Variants in DUSP10 observed in about 807,000 individuals in gnomAD.
The protein encoded by DUSP10 is dual specificity protein phosphatase 10.
Under a neutral mutation model 30.8 loss-of-function variants are expected in DUSP10, and 14 were observed. The ratio of observed to expected loss-of-function variants is 0.46; its 90% CI spans 0.30 to 0.71. DUSP10 has a LOEUF of 0.71. Among genes scored for constraint, DUSP10 ranks in the 30% least tolerant of loss-of-function variants. DUSP10 has a pLI of 0.08. For synonymous variants in DUSP10, 254 were observed against 250.4 expected, an observed-to-expected ratio of 1.01 and a Z score of -0.14; for missense variants, 550 against 619.4, an observed-to-expected ratio of 0.89 and a Z score of 1.19.
In DUSP10 at chr1:221,702,327, AAAAG is replaced by A. The variant is rs1660629098; in HGVS notation, c.*81_*84del. The A allele has an allele frequency of 2.0e-6, 3 of 1,498,976 alleles. No homozygotes were observed. The highest frequency in any genetic ancestry group is 1.4e-5 in the African/African-American group (1 of 71,172). 92.9% of individuals were successfully genotyped at this position (1,498,976 alleles called of 1,614,324 possible). The stretch of plus-strand genomic sequence containing the variant: ...AAACTTACTCCCAACTACAAAAAAA[AAAAG>A]AAAGAAAAAAAACCAGAATCCATCC... On this transcript the variant is annotated 3_prime_UTR_variant, in exon 4 of 4. Coordinates refer to ENST00000366899, the MANE Select transcript of DUSP10 (RefSeq NM_007207.6). The surrounding 1 kb of genome is among the most constrained non-coding windows in gnomAD (Gnocchi z 4.5).
chr1:221,729,194 T>C (rs1034824221), intron 2 of DUSP10, among the ~76,000 whole-genome samples: 1 of 152,244 alleles, frequency 6.6e-6, no homozygotes, highest in Non-Finnish European at 1.5e-5. Flanking sequence ...AAAACTGTCA[T>C]GACCAAAATT....
chr1:221,736,959 G>C lies in DUSP10; in HGVS notation c.811+1975C>G, dbSNP rs1661793526. 3 of 985,350 alleles carry C rather than the reference G, an allele frequency of 3.0e-6. No homozygotes were observed. The South Asian group carries it at 1.4e-4, about 46-fold the overall frequency. 61.0% of individuals were successfully genotyped at this position (985,350 alleles called of 1,614,324 possible). A position where few individuals can be genotyped will look rare whatever the true frequency, so the allele number is the denominator to read the frequency against. On this transcript the variant is annotated intron_variant, in intron 2 of 3. Transcript: ENST00000366899. ...AGTGGTGAGGTCAGCAGTGTGTCCT[G>C]CCCCGCCCCATTGAGGCAATCTTAC...
intron 2 of DUSP10, among the ~76,000 whole-genome samples, chr1:221,708,284 G>A (rs1054274928): frequency 9.9e-5 from 15 of 152,214 alleles, no homozygotes; most frequent in African/African-American, 3.4e-4. Flanking sequence ...TAGCCTCTGA[G>A]CCTGGCATAT....
intron 2 of DUSP10, among the ~76,000 whole-genome samples, chr1:221,723,058 A>G (rs1332722918): frequency 6.6e-6 from 1 of 152,210 alleles, no homozygotes; most frequent in East Asian, 1.9e-4. Flanking sequence ...GCTTCCCATG[A>G]ACATCTCAAT....
intron 2 of DUSP10, among the ~76,000 whole-genome samples, chr1:221,738,247 A>G (rs150718437): frequency 2.2e-4 from 33 of 152,360 alleles, no homozygotes; most frequent in African/African-American, 7.2e-4. Flanking sequence ...GGGAGGAGCC[A>G]TGATGCCAAC....
At chr1:221,721,830 A>G (rs1251919431) in intron 2 of DUSP10, among the ~76,000 whole-genome samples, 1 of 152,192 alleles carries the variant, frequency 6.6e-6, no homozygotes, top group Non-Finnish European at 1.5e-5. Flanking sequence ...AGTTTAATAT[A>G]CATTTATTAA....
chr1:221,711,235 C>T (rs1299399596), intron 2 of DUSP10, among the ~76,000 whole-genome samples: 4 of 152,192 alleles, frequency 2.6e-5, no homozygotes, highest in African/African-American at 9.7e-5. Context: ...ACAGAAGAGT[C>T]CTCTGTAATG....
At chr1:221,723,043 T>C in intron 2 of DUSP10, among the ~76,000 whole-genome samples, 1 of 152,218 alleles carries the variant, frequency 6.6e-6, no homozygotes, top group Non-Finnish European at 1.5e-5. Context: ...TATCACCCTG[T>C]GTCAGCTTCC....
intron 2 of DUSP10, among the ~76,000 whole-genome samples, chr1:221,716,548 G>C (rs947304126): frequency 1.3e-5 from 2 of 151,652 alleles, no homozygotes; most frequent in Non-Finnish European, 2.9e-5. Context: ...CCAGAATTTT[G>C]TCTACTTCTA....
rs978572999 is a variant in DUSP10 at position 221,736,693 on chromosome 1, C to T, written c.811+2241G>A. The T allele has an allele frequency of 1.9e-5, 11 of 590,714 alleles. No individual in the cohort carries two copies. In the African/African-American group the frequency reaches 2.0e-4, roughly 11 times the overall value. 36.6% of individuals were successfully genotyped at this position (590,714 alleles called of 1,614,324 possible). A position where few individuals can be genotyped will look rare whatever the true frequency, so the allele number is the denominator to read the frequency against. Reference sequence around the variant, plus strand: ...CCTTTCCCTTCTTTTCCATCTTGGTCCCAATTTTAGGCCATTCTCCCAAAA... The same window carrying T: ...CCTTTCCCTTCTTTTCCATCTTGGTTCCAATTTTAGGCCATTCTCCCAAAA... On this transcript the variant is annotated intron_variant, in intron 2 of 3. Coordinates refer to ENST00000366899, the MANE Select transcript of DUSP10 (RefSeq NM_007207.6).
intron 1 of DUSP10, among the ~76,000 whole-genome samples, 186 bp from the exon 2 acceptor site, chr1:221,739,973 T>G (rs116684945): frequency 0.034 from 5,149 of 152,294 alleles, 286 homozygotes; most frequent in African/African-American, 0.12. Flanking sequence ...ACCTGAGGGC[T>G]CCAATCAATT....
intron 2 of DUSP10, among the ~76,000 whole-genome samples, chr1:221,731,908 G>A (rs1262303277): frequency 1.3e-5 from 2 of 151,656 alleles, no homozygotes; most frequent in African/African-American, 2.4e-5. Flanking sequence ...CACCCGGCTG[G>A]CTATTTCTTA....
rs773256376 is a variant in DUSP10, at chr1:221,739,559, G to A, written c.186C>T (p.Pro62=). The A allele has an allele frequency of 1.2e-6, 2 of 1,614,184 alleles. No homozygotes were observed. The highest frequency in any genetic ancestry group is 2.2e-5 in the South Asian group (2 of 91,084). Residue 62 remains proline, a synonymous_variant, in exon 2 of 4, where the codon CCC becomes CCT. Transcript: ENST00000366899. The part of the protein sequence containing the change: ...SLKAANLTYM[P]SSSGSARSLN... ...GCGAGCGGGCAGAGCCGCTGGATGA[G>A]GGCATATACGTCAGATTCGCAGCCT...
chr1:221,726,148 A>G (rs1257230527), intron 2 of DUSP10, among the ~76,000 whole-genome samples: 1 of 152,250 alleles, frequency 6.6e-6, no homozygotes, highest in African/African-American at 2.4e-5. Context: ...CACTCAGGAA[A>G]GAAAAGCAGA....
At chr1:221,712,110 T>A (rs960631723) in intron 2 of DUSP10, among the ~76,000 whole-genome samples, 1 of 152,212 alleles carries the variant, frequency 6.6e-6, no homozygotes, top group African/African-American at 2.4e-5. Context: ...TTATACTCCA[T>A]AGATGTGATT....
chr1:221,739,924 A>C (rs945037094), intron 1 of DUSP10, 137 bp from the exon 2 acceptor site: 11 of 868,940 alleles, frequency 1.3e-5, no homozygotes, highest in African/African-American at 1.7e-5. Flanking sequence ...CCATTATCAA[A>C]ACTTGAAATT....
chr1:221,737,360 G>C, intron 2 of DUSP10: 1 of 985,246 alleles, frequency 1.0e-6, no homozygotes. Context: ...GAAATTCCTC[G>C]GTAGGATTTT....
chr1:221,715,233 A>G (rs1661062233), intron 2 of DUSP10, among the ~76,000 whole-genome samples: 1 of 152,246 alleles, frequency 6.6e-6, no homozygotes. Flanking sequence ...CCAATGATTT[A>G]GGAATTGTGA....
At position 221,709,690 on chromosome 1, in the gene DUSP10, C is replaced by A. The variant is rs182245915; in HGVS notation, c.812-3224G>T. 2.0e-4 allele frequency among the ~76,000 whole-genome samples: 30 copies of A among 152,048 alleles called. No individual in the cohort carries two copies. The East Asian group carries it at 5.6e-3, about 28-fold the overall frequency. The stretch of plus-strand genomic sequence containing the variant: ...GTAAAAAACAACGAGTGGAAGCTCA[C>A]AGTGGTGGCTTTTTCCAGAGAAGTC... On this transcript the variant is annotated intron_variant, in intron 2 of 3. Coordinates refer to ENST00000366899, the MANE Select transcript of DUSP10 (RefSeq NM_007207.6).
Sources: allele counts gnomAD v4.1 joint callset (sites outside exome capture counted in the v4.1 genomes callset), GRCh38; gene constraint gnomAD v4.1.1; non-coding constraint Gnocchi (gnomAD v3.1); transcripts MANE v1.5; gene names NCBI Gene and HGNC (gene_info 2026-07-23, HGNC 2026-07-21).